Variants in PYROXD1 observed in about 807,000 individuals in gnomAD.
PYROXD1 encodes tRNA ligase complex-associated NAD(P)H dehydrogenase PYROXD1.
Under a neutral mutation model 62.0 loss-of-function variants are expected in PYROXD1, and 42 were observed. That is an observed-to-expected ratio of 0.68 (90% CI 0.53 to 0.88). PYROXD1 has a LOEUF of 0.88. Among genes scored for constraint, PYROXD1 ranks in the 40% least tolerant of loss-of-function variants. The pLI is 0.00. For synonymous variants in PYROXD1, 170 were observed against 206.4 expected (o/e 0.82, Z 1.51); for missense variants, 493 against 604.8 (o/e 0.82, Z 1.94).
At chr12:21,457,985 T>A (rs1328910276) in intron 7 of PYROXD1, among the ~76,000 whole-genome samples, 1 of 152,172 alleles carries the variant, frequency 6.6e-6, no homozygotes, top group Non-Finnish European at 1.5e-5. Flanking sequence ...CCTAGAACTT[T>A]CACAGTGGTA....
At position 21,471,024 on chromosome 12, in the gene PYROXD1, T is replaced by C. The variant is rs758132730; in HGVS notation, c.*2270T>C. The stretch of plus-strand genomic sequence containing the variant: ...TTGCATAGTAATAGCATGTGCCTCA[T>C]TGTTCAGAAGATTAGCTTTAGGTCC... On this transcript the variant is annotated 3_prime_UTR_variant, in exon 12 of 12. Transcript: ENST00000240651. 3.4e-5 allele frequency: 54 copies of C among 1,598,984 alleles called. No individual in the cohort carries two copies. The highest frequency in any genetic ancestry group is 6.8e-5 in the African/African-American group (5 of 73,774).
chr12:21,468,922 C>T lies in PYROXD1; in HGVS notation c.*168C>T. 1 of 646,404 alleles carries T rather than the reference C, an allele frequency of 1.5e-6. No homozygotes were observed. Among genetic ancestry groups the T allele is most frequent in the South Asian group, 2.1e-5 (1 of 47,982 alleles). 40.0% of individuals were successfully genotyped at this position (646,404 alleles called of 1,614,324 possible). A position where few individuals can be genotyped will look rare whatever the true frequency, so the allele number is the denominator to read the frequency against. ...AAAACATAAATTCTAAGTTTGAAAT[C>T]AGTTCAAAGTTTATTTATAGATATA... On this transcript the variant is annotated 3_prime_UTR_variant, in exon 12 of 12. Transcript: ENST00000240651.
In PYROXD1 at chr12:21,440,437, A is replaced by T; in HGVS notation, c.154A>T (p.Asn52Tyr). 5 of 1,590,300 alleles carry T rather than the reference A, an allele frequency of 3.1e-6. No homozygotes were observed. The highest frequency in any genetic ancestry group is 1.7e-4 in the Middle Eastern group (1 of 5,972). ...TASPVIKAVTNFKQISKILEE... is the reference protein window; with the variant it reads ...TASPVIKAVTYFKQISKILEE... ...TTCTCCTGTTATTAAAGCAGTTACA[A>T]ATTTCAAGCAGGTAAGAACCTTTGT... Residue 52 changes from asparagine to tyrosine, a missense_variant, in exon 2 of 12, where the codon AAT (asparagine) becomes TAT (tyrosine). By Grantham distance (143) the Asn-to-Tyr change is moderately radical. This residue lies in a region of PYROXD1 where 164 missense variants were observed against 158.2 expected (regional missense o/e 1.04). Coordinates refer to ENST00000240651, the MANE Select transcript of PYROXD1 (RefSeq NM_024854.5).
rs551672113 is a variant in PYROXD1 at position 21,464,280 on chromosome 12, A to G, written c.1116+1418A>G. Among the ~76,000 whole-genome samples the G allele has an allele frequency of 1.8e-4, 28 of 152,248 alleles. No homozygotes were observed. The South Asian group carries it at 5.6e-3, about 30-fold the overall frequency. On this transcript the variant is annotated intron_variant, in intron 10 of 11. Transcript: ENST00000240651. ...ATAGGCCCCATTTCTTGGCTTACACAAGCAATAAGGATACTAATTTATGCA... is the reference window on the plus strand; with the variant it reads ...ATAGGCCCCATTTCTTGGCTTACACGAGCAATAAGGATACTAATTTATGCA...
intron 2 of PYROXD1, among the ~76,000 whole-genome samples, chr12:21,443,578 C>T (rs551980265): frequency 1.2e-4 from 18 of 152,164 alleles, no homozygotes; most frequent in South Asian, 2.1e-4. Context: ...TATATGTATA[C>T]TAATAAGTTA....
At chr12:21,462,711 A>G (rs773010114) in intron 9 of PYROXD1, 29 bp from the exon 10 acceptor site, 10 of 1,611,048 alleles carry the variant, frequency 6.2e-6, no homozygotes, top group African/African-American at 1.3e-5. Context: ...TTTTCTTAAC[A>G]CTTAACGCTT....
At chr12:21,456,827 C>CAACT (rs34335650) in intron 7 of PYROXD1, 214,053 of 443,848 alleles carry the variant, frequency 0.48, 52,102 homozygotes, top group Middle Eastern at 0.57. Flanking sequence ...ACTGCTTTAC[C>CAACT]AAGTATATGT....
At position 21,469,225 on chromosome 12, in the gene PYROXD1, T is replaced by A. The variant is rs1942865062; in HGVS notation, c.*471T>A. The stretch of plus-strand genomic sequence containing the variant: ...TTTATATTGATGACTTACTCCTTTT[T>A]TGTTGAATTGTACTTCTGGTTTTAT... On this transcript the variant is annotated 3_prime_UTR_variant, in exon 12 of 12. Transcript: ENST00000240651. 6.3e-6 allele frequency: 1 copy of A among 157,494 alleles called. No individual in the cohort carries two copies. The highest frequency in any genetic ancestry group is 2.4e-5 in the African/African-American group (1 of 41,436). 9.8% of individuals were successfully genotyped at this position (157,494 alleles called of 1,614,324 possible).
intron 1 of PYROXD1, 46 bp downstream of exon 1, chr12:21,437,860 G>A (rs779412293): frequency 6.4e-7 from 1 of 1,561,376 alleles, no homozygotes; most frequent in South Asian, 1.2e-5. Context: ...CGACCCCAAA[G>A]GGGATAGCAC....
Position 21,452,065 on chromosome 12 carries a change from TTTC to T in PYROXD1, c.415-13_415-11del, listed in dbSNP as rs781173147. ...CTATTACAAAATACTACCTCATTAT[TTTC>T]TTTTTAACATAGGAATTTCAGAAAC... On this transcript the variant is annotated splice_polypyrimidine_tract_variant and intron_variant, in intron 4 of 11. Coordinates refer to ENST00000240651, the MANE Select transcript of PYROXD1 (RefSeq NM_024854.5). The T allele has an allele frequency of 2.0e-6, 3 of 1,505,020 alleles. No homozygotes were observed. Among genetic ancestry groups the T allele is most frequent in the Non-Finnish European group, 2.7e-6 (3 of 1,095,218 alleles). The allele number at this position is 1,505,020 out of a possible 1,614,324, so 93.2% of individuals were successfully genotyped here. A position where few individuals can be genotyped will look rare whatever the true frequency, so the allele number is the denominator to read the frequency against.
chr12:21,440,400 C>T lies in PYROXD1; in HGVS notation c.117C>T (p.Leu39=), dbSNP rs139813703. 6.2e-7 allele frequency: 1 copy of T among 1,600,436 alleles called. No homozygotes were observed. The highest frequency in any genetic ancestry group is 1.3e-5 in the African/African-American group (1 of 74,276). Residue 39 remains leucine (L), a synonymous_variant, in exon 2 of 12, where the codon CTC becomes CTT. Coordinates refer to ENST00000240651, the MANE Select transcript of PYROXD1 (RefSeq NM_024854.5). ...LATHFPSEDI[L]LVTASPVIKA... ...CTCACTTTCCATCGGAAGATATTCT[C>T]TTGGTAACAGCTTCTCCTGTTATTA...
chr12:21,462,911 A>G (rs1246851445), intron 10 of PYROXD1, 49 bp downstream of exon 10: 1 of 1,561,564 alleles, frequency 6.4e-7, no homozygotes, highest in Non-Finnish European at 8.6e-7. Flanking sequence ...TTCTGTCTGA[A>G]AATAAAGCGG....
At chr12:21,440,063 C>T (rs777027791) in intron 1 of PYROXD1, among the ~76,000 whole-genome samples, 112 of 152,232 alleles carry the variant, frequency 7.4e-4, no homozygotes, top group Non-Finnish European at 2.2e-4. Flanking sequence ...TGCATTATAA[C>T]TCTAAATTGG....
chr12:21,466,588 T>A (rs1316234583), intron 10 of PYROXD1, among the ~76,000 whole-genome samples: 2 of 152,200 alleles, frequency 1.3e-5, no homozygotes, highest in South Asian at 2.1e-4. Context: ...TTTCTAGATA[T>A]ACAATCATGT....
chr12:21,443,788 A>G (rs1358509936), intron 2 of PYROXD1, among the ~76,000 whole-genome samples: 1 of 152,208 alleles, frequency 6.6e-6, no homozygotes, highest in East Asian at 1.9e-4. Context: ...TAAACCCATA[A>G]GACCAAGGGT....
At chr12:21,466,030 C>G (rs926099019) in intron 10 of PYROXD1, among the ~76,000 whole-genome samples, 2 of 152,114 alleles carry the variant, frequency 1.3e-5, no homozygotes, top group Non-Finnish European at 2.9e-5. Context: ...GTCTATATCT[C>G]TGTTTTGGTA....
In PYROXD1 at chr12:21,467,559, A is replaced by T; in HGVS notation, c.1195A>T (p.Ile399Phe). The change falls in exon 11 of 12, where the codon ATT becomes TTT. Residue 399 changes from isoleucine to phenylalanine, a missense_variant. Coordinates refer to ENST00000240651, the MANE Select transcript of PYROXD1 (RefSeq NM_024854.5). ...GGCTGCAGCGAGTTCAGGAGACTCT[A>T]TTGACATGGATTTCAGCTTTGAACT... ...CMAAASSGDS[I>F]DMDFSFELFA... The T allele has an allele frequency of 1.2e-6, 2 of 1,612,426 alleles. No homozygotes were observed. Among genetic ancestry groups the T allele is most frequent in the Non-Finnish European group, 1.7e-6 (2 of 1,179,024 alleles).
At chr12:21,444,998 G>A (rs893935520) in intron 2 of PYROXD1, among the ~76,000 whole-genome samples, 6 of 152,162 alleles carry the variant, frequency 3.9e-5, no homozygotes, top group African/African-American at 2.4e-5. Context: ...ATGACCATAA[G>A]GTCTGCTAGT....
Position 21,437,686 on chromosome 12 carries a change from G to T in PYROXD1, c.-45G>T. On this transcript the variant is annotated 5_prime_UTR_variant, in exon 1 of 12. Coordinates refer to ENST00000240651, the MANE Select transcript of PYROXD1 (RefSeq NM_024854.5). ...TTCCTCTCCTGGAGTCCAGAGTCCC[G>T]TTGCTCCGCCGCGATATTCAGTAAA... The T allele has an allele frequency of 1.9e-6, 3 of 1,574,242 alleles. No individual in the cohort carries two copies. The highest frequency in any genetic ancestry group is 2.6e-6 in the Non-Finnish European group (3 of 1,157,630).
Sources: gnomAD v4.1 joint callset for allele counts (sites outside exome capture counted in the v4.1 genomes callset) on GRCh38, gnomAD v4.1.1 for gene constraint, gnomAD v4.1.1 regional missense constraint, MANE v1.5 for transcripts, NCBI Gene and HGNC (gene_info 2026-07-23, HGNC 2026-07-21) for gene names.